The following ZNF366 variants were observed in gnomAD, a reference collection of about 807,000 sequenced individuals.
The protein encoded by ZNF366 is dendritic cell-specific transcript protein.
A neutral mutation model predicts 47.2 loss-of-function variants in ZNF366; 20 were observed. That is an observed-to-expected ratio of 0.42 (90% CI 0.30 to 0.62). The LOEUF is 0.62. ZNF366 is among the 20% of genes least tolerant of loss of function. The pLI is 0.16. For synonymous variants in ZNF366, 421 were observed against 395.1 expected, an observed-to-expected ratio of 1.07 and a Z score of -0.78; for missense variants, 987 against 976.3, an observed-to-expected ratio of 1.01 and a Z score of -0.15.
At chr5:72,501,122 A>G (rs1744202887) in intron 1 of ZNF366, among the ~76,000 whole-genome samples, 1 of 152,202 alleles carries the variant, frequency 6.6e-6, no homozygotes, top group South Asian at 2.1e-4. Flanking sequence ...AGTGAAATGA[A>G]GTATCTAAAG....
Position 72,440,811 on chromosome 5 carries a change from G to A in ZNF366, c.*2945C>T, listed in dbSNP as rs984262606. On this transcript the variant is annotated 3_prime_UTR_variant, in exon 5 of 5. Coordinates refer to ENST00000318442, the MANE Select transcript of ZNF366 (RefSeq NM_152625.3). ...AACAGCATACAAAACCAATGTTTTAGCATTGGTGCTCAGGTTAATGCTGTA... is the reference window on the plus strand; with the variant it reads ...AACAGCATACAAAACCAATGTTTTAACATTGGTGCTCAGGTTAATGCTGTA... 6.6e-6 allele frequency: 1 copy of A among 152,208 alleles called. No homozygotes were observed. Among genetic ancestry groups the A allele is most frequent in the Non-Finnish European group, 1.5e-5 (1 of 68,030 alleles). The allele number at this position is 152,208 out of a possible 1,614,324, so 9.4% of individuals were successfully genotyped here.
chr5:72,458,841 C>T (rs1743245673), intron 2 of ZNF366, among the ~76,000 whole-genome samples: 1 of 152,214 alleles, frequency 6.6e-6, no homozygotes, highest in African/African-American at 2.4e-5. Flanking sequence ...AATTAAAATT[C>T]AAATGAAACT....
At chr5:72,499,656 C>A (rs1028292304) in intron 1 of ZNF366, among the ~76,000 whole-genome samples, 3 of 152,048 alleles carry the variant, frequency 2.0e-5, no homozygotes, top group Non-Finnish European at 2.9e-5. Flanking sequence ...TGAAAAAGTT[C>A]TCTGGAAGTA....
At position 72,441,165 on chromosome 5, in the gene ZNF366, A is replaced by T. The variant is rs569630485; in HGVS notation, c.*2591T>A. 6.6e-6 allele frequency: 1 copy of T among 152,182 alleles called. No homozygotes were observed. The highest frequency in any genetic ancestry group is 3.4e-3 in the Middle Eastern group (1 of 294). 9.4% of individuals were successfully genotyped at this position (152,182 alleles called of 1,614,324 possible). A position where few individuals can be genotyped will look rare whatever the true frequency, so the allele number is the denominator to read the frequency against. On this transcript the variant is annotated 3_prime_UTR_variant, in exon 5 of 5. Transcript: ENST00000318442. Reference sequence around the variant, plus strand: ...CTCAACATTAACTGGTCCCTCAAACATTCCCATGAGGTTTGTTTTGGTTGG... The same window carrying T: ...CTCAACATTAACTGGTCCCTCAAACTTTCCCATGAGGTTTGTTTTGGTTGG...
At chr5:72,444,332 C>A (rs777983443) in intron 4 of ZNF366, 41 bp from the exon 5 acceptor site, 1 of 1,563,996 alleles carries the variant, frequency 6.4e-7, no homozygotes, top group Non-Finnish European at 8.7e-7. Flanking sequence ...TGAGGAAATG[C>A]TGTGGAAATG....
intron 2 of ZNF366, 122 bp downstream of exon 2, chr5:72,460,043 G>T: frequency 7.5e-7 from 1 of 1,337,488 alleles, no homozygotes; most frequent in Non-Finnish European, 1.0e-6. Context: ...GCTTGTCCGG[G>T]GTTGCCCACC....
intron 3 of ZNF366, among the ~76,000 whole-genome samples, chr5:72,448,382 T>C (rs1278440361): frequency 1.3e-5 from 2 of 152,222 alleles, no homozygotes; most frequent in Non-Finnish European, 2.9e-5. Context: ...AGCAGAACTT[T>C]CTTCTCACAG....
At chr5:72,494,991 T>A (rs556439349) in intron 1 of ZNF366, among the ~76,000 whole-genome samples, 1 of 152,256 alleles carries the variant, frequency 6.6e-6, no homozygotes, top group South Asian at 2.1e-4. Flanking sequence ...CGGCTTGCCT[T>A]CACATTTTCA....
intron 1 of ZNF366, among the ~76,000 whole-genome samples, chr5:72,485,943 G>A (rs1247185061): frequency 6.6e-6 from 1 of 152,128 alleles, no homozygotes; most frequent in African/African-American, 2.4e-5. Context: ...ATACCCACGT[G>A]CCTCTTTTGC....
At chr5:72,475,647 G>A (rs1029482590) in intron 1 of ZNF366, among the ~76,000 whole-genome samples, 5 of 152,206 alleles carry the variant, frequency 3.3e-5, no homozygotes, top group Admixed American at 1.3e-4. Flanking sequence ...GTATTCAATA[G>A]ATGATGCTGA....
chr5:72,471,549 G>A (rs1316239642), intron 1 of ZNF366, among the ~76,000 whole-genome samples: 1 of 152,190 alleles, frequency 6.6e-6, no homozygotes, highest in Non-Finnish European at 1.5e-5. Flanking sequence ...GAGTGAAGCA[G>A]CTGAGTTACC....
chr5:72,503,639 G>C (rs1744260665), intron 1 of ZNF366, among the ~76,000 whole-genome samples: 1 of 152,104 alleles, frequency 6.6e-6, no homozygotes, highest in Non-Finnish European at 1.5e-5. Context: ...AAAGCAACCT[G>C]TCAAGTCATG....
intron 1 of ZNF366, among the ~76,000 whole-genome samples, chr5:72,503,557 G>A (rs201695551): frequency 1.2e-4 from 18 of 145,824 alleles, no homozygotes; most frequent in South Asian, 4.4e-4. Context: ...ACACACACAC[G>A]CACACCTCGA....
At position 72,447,430 on chromosome 5, in the gene ZNF366, G is replaced by T; in HGVS notation, c.1525-13C>A. 6.2e-7 allele frequency: 1 copy of T among 1,613,910 alleles called. No individual in the cohort carries two copies. The highest frequency in any genetic ancestry group is 1.1e-5 in the South Asian group (1 of 91,032). On this transcript the variant is annotated splice_polypyrimidine_tract_variant and intron_variant, in intron 3 of 4. Coordinates refer to ENST00000318442, the MANE Select transcript of ZNF366 (RefSeq NM_152625.3). ...CCTTCCCACAAAGCTGTTGAAGATG[G>T]GGATGAGAACACAGGTTACTCTGCC...
intron 1 of ZNF366, among the ~76,000 whole-genome samples, chr5:72,464,056 T>A (rs1743385919): frequency 6.6e-6 from 1 of 152,166 alleles, no homozygotes; most frequent in African/African-American, 2.4e-5. Flanking sequence ...GGCAAACCAT[T>A]GCAGAGCCCA....
intron 1 of ZNF366, among the ~76,000 whole-genome samples, chr5:72,506,817 C>T (rs1236992216): frequency 1.3e-5 from 2 of 152,114 alleles, no homozygotes; most frequent in African/African-American, 2.4e-5. Flanking sequence ...AAGAAAAGAA[C>T]AGGAGAAGGG....
intron 1 of ZNF366, among the ~76,000 whole-genome samples, chr5:72,500,129 C>G (rs368195012): frequency 7.9e-5 from 12 of 152,160 alleles, no homozygotes; most frequent in African/African-American, 2.7e-4. Flanking sequence ...AGCGGGTCCT[C>G]CCTTTCTCCC....
intron 1 of ZNF366, among the ~76,000 whole-genome samples, chr5:72,503,340 C>G (rs919271653): frequency 4.6e-5 from 7 of 152,116 alleles, no homozygotes; most frequent in Non-Finnish European, 8.8e-5. Flanking sequence ...AATAGGAATT[C>G]CATTTAAAAG....
At chr5:72,507,145 G>T in intron 1 of ZNF366, 106 bp downstream of exon 1, 1 of 843,260 alleles carries the variant, frequency 1.2e-6, no homozygotes. Context: ...TATACCCTTT[G>T]GTTAAGGACT....
Sources: allele counts gnomAD v4.1 joint callset (sites outside exome capture counted in the v4.1 genomes callset), GRCh38; gene constraint gnomAD v4.1.1; transcripts MANE v1.5; gene names NCBI Gene and HGNC (gene_info 2026-07-23, HGNC 2026-07-21).